The following CDH23 variants were observed in gnomAD, a reference collection of about 807,000 sequenced individuals.
The protein encoded by CDH23 is cadherin related 23, also known as cadherin-23.
Under a neutral mutation model 317.1 loss-of-function variants are expected in CDH23, and 189 were observed. The ratio of observed to expected loss-of-function variants is 0.60; its 90% CI spans 0.53 to 0.67. The LOEUF (loss-of-function observed/expected upper bound fraction) is 0.67. CDH23 is among the 30% of genes least tolerant of loss of function. The probability of loss-of-function intolerance (pLI) is 0.00; values close to 1 mark genes in which losing one functional copy is unlikely to be tolerated. For missense variants in CDH23, 4,401 were observed against 4,592.4 expected (o/e 0.96, Z 1.20); for synonymous variants, 1,839 against 1,876.8 (o/e 0.98, Z 0.52).
chr10:71,810,692 C>T (rs1841888986), intron 62 of CDH23, 123 bp downstream of exon 62: 1 of 859,396 alleles, frequency 1.2e-6, no homozygotes, highest in African/African-American at 1.7e-5. Context: ...TGTGTGGGGC[C>T]ATCTCCCAGA....
At chr10:71,645,478 T>A (rs1039925257) in intron 12 of CDH23, among the ~76,000 whole-genome samples, 2 of 152,114 alleles carry the variant, frequency 1.3e-5, no homozygotes, top group African/African-American at 2.4e-5. Flanking sequence ...TTCCTCTGTC[T>A]CCCCGCTGGG....
At chr10:71,806,029 T>TGG in intron 56 of CDH23, 32 bp downstream of exon 56, 1 of 1,489,564 alleles carries the variant, frequency 6.7e-7, no homozygotes, top group Non-Finnish European at 9.1e-7. Context: ...AGGGGCGGGG[T>TGG]CTGGGGCGGG....
chr10:71,697,607 A>G (rs1390491646), intron 22 of CDH23, among the ~76,000 whole-genome samples: 1 of 151,958 alleles, frequency 6.6e-6, no homozygotes, highest in Non-Finnish European at 1.5e-5. Context: ...GGATGATAGA[A>G]GCTGCAGTGA....
At chr10:71,718,510 A>C (rs1263321460) in intron 28 of CDH23, among the ~76,000 whole-genome samples, 4 of 152,370 alleles carry the variant, frequency 2.6e-5, no homozygotes, top group Admixed American at 2.0e-4. Flanking sequence ...GCAGCTGTGC[A>C]TGGGTTGGCC....
intron 14 of CDH23, among the ~76,000 whole-genome samples, chr10:71,654,711 C>A (rs1189999967): frequency 1.3e-5 from 2 of 152,160 alleles, no homozygotes; most frequent in African/African-American, 2.4e-5. Flanking sequence ...TGCAGCCGGA[C>A]TGTGGCCCAA....
intron 11 of CDH23, among the ~76,000 whole-genome samples, chr10:71,626,381 G>A (rs55649765): frequency 0.031 from 4,734 of 152,258 alleles, 108 homozygotes; most frequent in South Asian, 0.088. Context: ...GCCGTACACC[G>A]TGTGGGGATG....
intron 6 of CDH23, among the ~76,000 whole-genome samples, chr10:71,550,149 A>G (rs1238963159): frequency 1.3e-5 from 2 of 152,146 alleles, no homozygotes; most frequent in African/African-American, 2.4e-5. Flanking sequence ...CTCCTCCTTT[A>G]CAATGGGGAT....
chr10:71,520,826 G>A (rs1854630279), intron 6 of CDH23, among the ~76,000 whole-genome samples: 1 of 152,162 alleles, frequency 6.6e-6, no homozygotes, highest in African/African-American at 2.4e-5. Flanking sequence ...ACAGCCTGGG[G>A]ACAGGCCTGG....
At chr10:71,533,510 T>A (rs1855518372) in intron 6 of CDH23, among the ~76,000 whole-genome samples, 1 of 145,526 alleles carries the variant, frequency 6.9e-6, no homozygotes, top group Non-Finnish European at 1.5e-5. Context: ...ATTGTGACCC[T>A]AGGCTGGCTG....
At chr10:71,759,884 C>T (rs774587806) in intron 38 of CDH23, among the ~76,000 whole-genome samples, 22,009 of 47,760 alleles carry the variant, frequency 0.46, 5,856 homozygotes, top group Non-Finnish European at 0.57. Context: ...CACACACACA[C>T]ATATACACAC....
intron 6 of CDH23, among the ~76,000 whole-genome samples, chr10:71,536,557 A>T (rs1391755122): frequency 6.6e-6 from 1 of 152,146 alleles, no homozygotes; most frequent in Non-Finnish European, 1.5e-5. Flanking sequence ...ACAGGAAATG[A>T]GTGGACAAGG....
At chr10:71,563,954 G>A (rs1481898012) in intron 6 of CDH23, among the ~76,000 whole-genome samples, 6 of 151,954 alleles carry the variant, frequency 3.9e-5, no homozygotes, top group Admixed American at 3.3e-4. Flanking sequence ...TCACCATGTT[G>A]GCCAGCCTAG....
chr10:71,405,185 A>G (rs1347713303), intron 1 of CDH23, among the ~76,000 whole-genome samples: 1 of 152,160 alleles, frequency 6.6e-6, no homozygotes, highest in Non-Finnish European at 1.5e-5. Context: ...CTACACAGAC[A>G]GGAGATTAGC....
chr10:71,582,561 C>T (rs997084133), intron 9 of CDH23, among the ~76,000 whole-genome samples: 2 of 152,186 alleles, frequency 1.3e-5, no homozygotes, highest in Non-Finnish European at 2.9e-5. Context: ...TAGGTGGCCT[C>T]GGCTTAGCTT....
intron 1 of CDH23, among the ~76,000 whole-genome samples, chr10:71,421,085 G>A (rs1848792234): frequency 6.6e-6 from 1 of 152,212 alleles, no homozygotes. Flanking sequence ...AGGTCTCCAG[G>A]TTCTTATACT....
Position 71,511,136 on chromosome 10 carries a change from T to C in CDH23, c.353T>C (p.Val118Ala). ...SDHQGVITRK[V>A]NIQVGDVNDN... ...TCTTGCCAGGTGATCACACGGAAGG[T>C]GAACATCCAGGTTGGGGATGTGAAT... Residue 118 changes from valine to alanine, a missense_variant, in exon 6 of 70, where the codon GTG becomes GCG. Transcript: ENST00000224721. 2 of 1,613,482 alleles carry C rather than the reference T, an allele frequency of 1.2e-6. No individual in the cohort carries two copies. Among genetic ancestry groups the C allele is most frequent in the Non-Finnish European group, 1.7e-6 (2 of 1,179,574 alleles).
intron 14 of CDH23, among the ~76,000 whole-genome samples, chr10:71,662,523 C>T (rs973869094): frequency 1.2e-4 from 18 of 152,224 alleles, no homozygotes; most frequent in African/African-American, 2.9e-4. Context: ...TGGTAGGAGG[C>T]GTCATTACCA....
chr10:71,705,163 C>A, intron 25 of CDH23, 33 bp downstream of exon 25: 1 of 1,579,854 alleles, frequency 6.3e-7, no homozygotes, highest in Admixed American at 1.7e-5. Flanking sequence ...GCTGTGTGCT[C>A]AGTGTGTGGG....
intron 6 of CDH23, among the ~76,000 whole-genome samples, chr10:71,519,438 C>T (rs1227977585): frequency 1.3e-5 from 2 of 152,250 alleles, no homozygotes; most frequent in African/African-American, 2.4e-5. Context: ...GCCTTTTCCT[C>T]CAGGCAGTGG....
Sources: allele counts gnomAD v4.1 joint callset (sites outside exome capture counted in the v4.1 genomes callset), GRCh38; gene constraint gnomAD v4.1.1; transcripts MANE v1.5; gene names NCBI Gene and HGNC (gene_info 2026-07-23, HGNC 2026-07-21).